Variants in OC90 observed in about 807,000 individuals in gnomAD.
OC90 encodes otoconin 90.
A neutral mutation model predicts 47.3 loss-of-function variants in OC90; 46 were observed. The ratio of observed to expected loss-of-function variants is 0.97; its 90% CI spans 0.77 to 1.24. The LOEUF (loss-of-function observed/expected upper bound fraction) is 1.24. Ranked by LOEUF, OC90 falls within the 50% of genes most tolerant of loss-of-function variation. The pLI is 0.00. For missense variants in OC90, 688 were observed against 583.9 expected (o/e 1.18, Z -1.84); for synonymous variants, 271 against 219.5 (o/e 1.23, Z -2.07).
At chr8:132,054,925 C>A (rs1823261948) in intron 2 of OC90, 56 bp downstream of exon 2, 5 of 1,317,122 alleles carry the variant, frequency 3.8e-6, no homozygotes, top group Middle Eastern at 1.8e-4. Context: ...GGACAGTATT[C>A]AAATGAAGTA....
intron 9 of OC90, chr8:132,036,530 C>A: frequency 2.7e-6 from 2 of 747,368 alleles, no homozygotes; most frequent in South Asian, 2.8e-5. Flanking sequence ...TAGGGTAATC[C>A]GATCAGGGCA....
chr8:132,027,224 G>T (rs199866990), intron 13 of OC90, among the ~76,000 whole-genome samples: 1 of 152,122 alleles, frequency 6.6e-6, no homozygotes. Flanking sequence ...CATCACTTCC[G>T]TCCAAGCTGT....
intron 1 of OC90, 22 bp downstream of exon 1, chr8:132,059,319 A>T (rs1352875383): frequency 7.3e-6 from 1 of 137,660 alleles, no homozygotes; most frequent in Non-Finnish European, 1.6e-5. Context: ...CTCCCCAACC[A>T]TCAGGAATAA....
chr8:132,056,589 G>A (rs968067904), intron 1 of OC90, among the ~76,000 whole-genome samples: 6 of 152,174 alleles, frequency 3.9e-5, no homozygotes, highest in African/African-American at 1.4e-4. Flanking sequence ...AATTCCTAAA[G>A]CTGGTTAACT....
intron 12 of OC90, among the ~76,000 whole-genome samples, chr8:132,030,747 A>G (rs1180911876): frequency 6.6e-6 from 1 of 152,220 alleles, no homozygotes; most frequent in Non-Finnish European, 1.5e-5. Context: ...TGACTGTGCA[A>G]CAGAGCCTGG....
rs751430287 is a variant in OC90 at position 132,038,749 on chromosome 8, G to A, written c.628+41C>T. ...TCCACCGGCTCCCATCAGCATCTGG[G>A]CCCTTGTGGTTCAAGAGCCACCAAC... On this transcript the variant is annotated intron_variant, in intron 8 of 13. Transcript: ENST00000254627. 6 of 1,555,988 alleles carry A rather than the reference G, an allele frequency of 3.9e-6. No individual in the cohort carries two copies. The African/African-American group carries it at 4.1e-5, about 11-fold the overall frequency.
intron 11 of OC90, among the ~76,000 whole-genome samples, chr8:132,032,315 A>G (rs927940496): frequency 3.9e-5 from 6 of 152,100 alleles, no homozygotes; most frequent in African/African-American, 1.4e-4. Context: ...CCCTTAAGGG[A>G]TGGAGACTTG....
rs1822902993 is a variant in OC90 at position 132,033,162 on chromosome 8, A to T, written c.736T>A (p.Ser246Thr). ...ACCCTTGTTGCAACTATCTCTGCAG[A>T]TCCTGAAAATGAAAAACTTCATGAT... is the stretch of plus-strand genomic sequence containing the variant. Reference protein sequence around the residue: ...GAARATSPPGSAEIVATRVTA... With the variant: ...GAARATSPPGTAEIVATRVTA... The change falls in exon 11 of 14, where the codon TCT becomes ACT. Residue 246 changes from serine to threonine, a missense_variant and splice_region_variant. Transcript: ENST00000254627. The T allele has an allele frequency of 1.9e-6, 3 of 1,604,170 alleles. No individual in the cohort carries two copies. Among genetic ancestry groups the T allele is most frequent in the Non-Finnish European group, 1.7e-6 (2 of 1,175,364 alleles).
At chr8:132,026,411 C>A (rs1473398020) in intron 13 of OC90, among the ~76,000 whole-genome samples, 1 of 152,140 alleles carries the variant, frequency 6.6e-6, no homozygotes, top group Non-Finnish European at 1.5e-5. Flanking sequence ...CCCAGACATG[C>A]CAGTTGCATT....
At chr8:132,047,304 G>A (rs548599336) in intron 2 of OC90, among the ~76,000 whole-genome samples, 18 of 146,016 alleles carry the variant, frequency 1.2e-4, no homozygotes, top group East Asian at 8.2e-4. Context: ...TTATTAATGC[G>A]TATTTTTAAG....
chr8:132,025,764 G>A (rs1822748501), intron 13 of OC90, among the ~76,000 whole-genome samples: 1 of 152,112 alleles, frequency 6.6e-6, no homozygotes, highest in South Asian at 2.1e-4. Context: ...CTGTCTCTTG[G>A]CTGAATTCTT....
intron 2 of OC90, chr8:132,049,886 C>T (rs368398534): frequency 6.5e-5 from 33 of 507,910 alleles, no homozygotes; most frequent in East Asian, 5.0e-4. Flanking sequence ...ACTGCTAAGA[C>T]GTGTGCCAAT....
intron 12 of OC90, among the ~76,000 whole-genome samples, chr8:132,031,214 A>G (rs1056245420): frequency 1.3e-5 from 2 of 152,172 alleles, no homozygotes; most frequent in African/African-American, 4.8e-5. Context: ...ATAAGCTTCC[A>G]TTGGGCAAAA....
intron 2 of OC90, among the ~76,000 whole-genome samples, chr8:132,047,087 A>C (rs1415041971): frequency 6.6e-6 from 1 of 152,232 alleles, no homozygotes; most frequent in Non-Finnish European, 1.5e-5. Flanking sequence ...GATAAAACTC[A>C]TTCCCTTGGA....
chr8:132,033,146 G>T lies in OC90; in HGVS notation c.752C>A (p.Ala251Glu). 1 of 1,606,294 alleles carries T rather than the reference G, an allele frequency of 6.2e-7. No homozygotes were observed. The highest frequency in any genetic ancestry group is 8.5e-7 in the Non-Finnish European group (1 of 1,176,320). ...TACAATTTTAGCTGTAACCCTTGTTGCAACTATCTCTGCAGATCCTGAAAA... is the reference window on the plus strand; with the variant it reads ...TACAATTTTAGCTGTAACCCTTGTTTCAACTATCTCTGCAGATCCTGAAAA... ...TSPPGSAEIVATRVTAKIVTL... is the reference protein window; with the variant it reads ...TSPPGSAEIVETRVTAKIVTL... The change falls in exon 11 of 14, where the codon GCA (alanine) becomes GAA (glutamate). Residue 251 changes from alanine (A) to glutamate (E), a missense_variant. Physicochemically the swap from Ala to Glu is moderately radical, Grantham distance 107 (BLOSUM62 -1). Transcript: ENST00000254627.
chr8:132,041,120 G>T lies in OC90; in HGVS notation c.381C>A (p.Ala127=), dbSNP rs368734460. ...GGTCTTGGAGACAGTCCATCTCAGC[G>T]GCCTCCTCATAGCACCTGCGGTGCT... ...CFQHRRCYEE[A]AEMDCLQDPA... The change falls in exon 6 of 14, where the codon GCC becomes GCA. Residue 127 remains alanine, a synonymous_variant. Coordinates refer to ENST00000254627, the MANE Select transcript of OC90 (RefSeq NM_001080399.3). The T allele has an allele frequency of 1.9e-6, 3 of 1,613,832 alleles. No homozygotes were observed.
intron 2 of OC90, among the ~76,000 whole-genome samples, chr8:132,054,265 C>T (rs1190931939): frequency 6.6e-6 from 1 of 152,196 alleles, no homozygotes; most frequent in Non-Finnish European, 1.5e-5. Flanking sequence ...ACCTTGCCAG[C>T]TTACATCCAA....
At chr8:132,046,680 T>G (rs1823138386) in intron 2 of OC90, among the ~76,000 whole-genome samples, 1 of 152,222 alleles carries the variant, frequency 6.6e-6, no homozygotes, top group South Asian at 2.1e-4. Context: ...TGCTCATATT[T>G]TTCTTTCCCC....
At chr8:132,036,542 A>G (rs1356001958) in intron 9 of OC90, 2 of 708,844 alleles carry the variant, frequency 2.8e-6, no homozygotes, top group Non-Finnish European at 5.2e-6. Flanking sequence ...ATCAGGGCAT[A>G]TGGCTGCACA....
Sources: gnomAD v4.1 joint callset for allele counts (sites outside exome capture counted in the v4.1 genomes callset) on GRCh38, gnomAD v4.1.1 for gene constraint, MANE v1.5 for transcripts, NCBI Gene and HGNC (gene_info 2026-07-23, HGNC 2026-07-21) for gene names.